NUFIP2: variants seen among roughly 807,000 people sequenced by gnomAD.
NUFIP2 encodes the protein FMR1-interacting protein NUFIP2.
In NUFIP2, 6 loss-of-function variants were observed where a neutral mutation model predicts 56.9. The ratio of observed to expected loss-of-function variants is 0.11; its 90% confidence interval spans 0.06 to 0.21. NUFIP2 has a LOEUF of 0.21. Ranked by LOEUF, NUFIP2 falls within the 10% of genes least tolerant of loss-of-function variation. The pLI is 1.00. For missense variants in NUFIP2, 828 were observed against 826.8 expected, an observed-to-expected ratio of 1.00 and a Z score of -0.02; for synonymous variants, 321 against 298.2, an observed-to-expected ratio of 1.08 and a Z score of -0.79.
At chr17:29,281,716 A>C (rs1296114515) in intron 2 of NUFIP2, among the ~76,000 whole-genome samples, 3 of 150,548 alleles carry the variant, frequency 2.0e-5, no homozygotes, top group Non-Finnish European at 4.4e-5. Flanking sequence ...AAAACAGCTA[A>C]AAGGAAAATC....
chr17:29,257,982 T>C lies in NUFIP2; in HGVS notation c.*6557A>G, dbSNP rs960677012. On this transcript the variant is annotated 3_prime_UTR_variant, in exon 4 of 4. Transcript: ENST00000225388. ...TAAACAGAGAGCACCAGTTGGGCAA[T>C]AGAATGAGCATTTCATACTGCATAA... 1 of 152,100 alleles carries C rather than the reference T, an allele frequency of 6.6e-6. No individual in the cohort carries two copies. Among genetic ancestry groups the C allele is most frequent in the African/African-American group, 2.4e-5 (1 of 41,430 alleles). 9.4% of individuals were successfully genotyped at this position (152,100 alleles called of 1,614,324 possible).
At chr17:29,287,812 A>G (rs964239654) in intron 1 of NUFIP2, 96 bp from the exon 2 acceptor site, 1 of 1,168,206 alleles carries the variant, frequency 8.6e-7, no homozygotes, top group African/African-American at 1.5e-5. Flanking sequence ...TATGCTAGAC[A>G]CTATGCTATG....
Position 29,287,279 on chromosome 17 carries a change from T to C in NUFIP2, c.715A>G (p.Ile239Val), listed in dbSNP as rs769748784. The C allele has an allele frequency of 2.5e-6, 4 of 1,614,218 alleles. No individual in the cohort carries two copies. In the East Asian group the frequency reaches 6.7e-5, roughly 27 times the overall value. Reference sequence around the variant, plus strand: ...TGTTGCATTATTTTGTCCTGCACTATATTAAGGTTTTCACAACCCTTGGCA... The same window carrying C: ...TGTTGCATTATTTTGTCCTGCACTACATTAAGGTTTTCACAACCCTTGGCA... ...NSAKGCENLN[I>V]VQDKIMQQET... is the part of the protein sequence containing the mutation. Residue 239 changes from isoleucine (I) to valine (V), a missense_variant, in exon 2 of 4, where the codon ATA becomes GTA. Ile to Val is a conservative substitution (Grantham distance 29). This residue lies in a region of NUFIP2 where 415 missense variants were observed against 408.7 expected (regional missense o/e 1.02). Coordinates refer to ENST00000225388, the MANE Select transcript of NUFIP2 (RefSeq NM_020772.3).
At chr17:29,278,335 C>A (rs1000582621) in intron 2 of NUFIP2, among the ~76,000 whole-genome samples, 3 of 152,040 alleles carry the variant, frequency 2.0e-5, no homozygotes, top group South Asian at 4.1e-4. Context: ...CAAGCTCCAC[C>A]TCCCGGGTTC....
In NUFIP2 at chr17:29,263,594, C is replaced by T. The variant is rs1230036448; in HGVS notation, c.*945G>A. 6.6e-6 allele frequency: 1 copy of T among 152,598 alleles called. No individual in the cohort carries two copies. The highest frequency in any genetic ancestry group is 2.4e-5 in the African/African-American group (1 of 41,434). The allele number at this position is 152,598 out of a possible 1,614,324, so 9.5% of individuals were successfully genotyped here. A position where few individuals can be genotyped will look rare whatever the true frequency, so the allele number is the denominator to read the frequency against. ...TTGATGAAAAACAAGGAAAACAGCA[C>T]ATTTAGTGTTAGTGACGGAGAGCAA... On this transcript the variant is annotated 3_prime_UTR_variant, in exon 4 of 4. Coordinates refer to ENST00000225388, the MANE Select transcript of NUFIP2 (RefSeq NM_020772.3).
In NUFIP2 at chr17:29,262,208, A is replaced by G. The variant is rs1372879006; in HGVS notation, c.*2331T>C. 1 of 152,706 alleles carries G rather than the reference A, an allele frequency of 6.5e-6. No individual in the cohort carries two copies. Among genetic ancestry groups the G allele is most frequent in the African/African-American group, 2.4e-5 (1 of 41,566 alleles). 9.5% of individuals were successfully genotyped at this position (152,706 alleles called of 1,614,324 possible). On this transcript the variant is annotated 3_prime_UTR_variant, in exon 4 of 4. Transcript: ENST00000225388. ...TGAGTTGTGAGACGGAAGAACTTTA[A>G]AATTCCAGGCAAGCAAAATGGACAT... is the stretch of plus-strand genomic sequence containing the variant.
rs2069013196 is a variant in NUFIP2 at position 29,263,038 on chromosome 17, A to G, written c.*1501T>C. Reference sequence around the variant, plus strand: ...GGGGATCCAGTCTACTTTTATCAGAAGACTACAACTCTTTATATAAATGCC... The same window carrying G: ...GGGGATCCAGTCTACTTTTATCAGAGGACTACAACTCTTTATATAAATGCC... On this transcript the variant is annotated 3_prime_UTR_variant, in exon 4 of 4. Coordinates refer to ENST00000225388, the MANE Select transcript of NUFIP2 (RefSeq NM_020772.3). The G allele has an allele frequency of 6.6e-6, 1 of 152,600 alleles. No homozygotes were observed. The allele number at this position is 152,600 out of a possible 1,614,324, so 9.5% of individuals were successfully genotyped here. A position where few individuals can be genotyped will look rare whatever the true frequency, so the allele number is the denominator to read the frequency against.
At chr17:29,270,580 T>C (rs2069065939) in intron 2 of NUFIP2, among the ~76,000 whole-genome samples, 1 of 152,104 alleles carries the variant, frequency 6.6e-6, no homozygotes, top group Admixed American at 6.6e-5. Context: ...AGCACAGAAA[T>C]TTCATATTTT....
chr17:29,290,211 T>C (rs2069202750), intron 1 of NUFIP2, among the ~76,000 whole-genome samples: 1 of 151,850 alleles, frequency 6.6e-6, no homozygotes, highest in African/African-American at 2.4e-5. Flanking sequence ...CTCTTAAGAG[T>C]TCTTAGATTC....
intron 2 of NUFIP2, among the ~76,000 whole-genome samples, chr17:29,285,232 G>A (rs1238209066): frequency 4.6e-5 from 7 of 151,902 alleles, no homozygotes; most frequent in African/African-American, 9.7e-5. Context: ...CCCAAGAGGC[G>A]GAGGTTGCAG....
rs1286514538 is a variant in NUFIP2, at chr17:29,260,585, G to C, written c.*3954C>G. The stretch of plus-strand genomic sequence containing the variant: ...CACACTAAATGGCTTATTTAAAAAA[G>C]TTCACAGCAATTACAAAAGATAAAT... On this transcript the variant is annotated 3_prime_UTR_variant, in exon 4 of 4. Transcript: ENST00000225388. The C allele has an allele frequency of 6.6e-6, 1 of 152,126 alleles. No individual in the cohort carries two copies. Among genetic ancestry groups the C allele is most frequent in the Non-Finnish European group, 1.5e-5 (1 of 68,016 alleles). 9.4% of individuals were successfully genotyped at this position (152,126 alleles called of 1,614,324 possible).
chr17:29,276,559 AACTCCTG>A (rs2069109804), intron 2 of NUFIP2, among the ~76,000 whole-genome samples: 1 of 152,106 alleles, frequency 6.6e-6, no homozygotes, highest in African/African-American at 2.4e-5. Context: ...GGTGGTCTCT[AACTCCTG>A]ACCTCAAGTG....
At chr17:29,269,880 C>T (rs1267378294) in intron 2 of NUFIP2, among the ~76,000 whole-genome samples, 1 of 152,102 alleles carries the variant, frequency 6.6e-6, no homozygotes, top group African/African-American at 2.4e-5. Flanking sequence ...GCCACCACGC[C>T]TGGCTAATTT....
At chr17:29,288,581 T>C (rs1340987489) in intron 1 of NUFIP2, among the ~76,000 whole-genome samples, 2 of 152,260 alleles carry the variant, frequency 1.3e-5, no homozygotes, top group East Asian at 1.9e-4. Context: ...ATATTGTTAA[T>C]ACGTGAAACC....
At chr17:29,267,058 C>T (rs968041591) in intron 3 of NUFIP2, among the ~76,000 whole-genome samples, 8 of 151,290 alleles carry the variant, frequency 5.3e-5, no homozygotes, top group African/African-American at 1.9e-4. Flanking sequence ...CGCCTGCCAC[C>T]ACGCCCAGCT....
chr17:29,286,582 A>C lies in NUFIP2; in HGVS notation c.1412T>G (p.Leu471Arg). 6.2e-7 allele frequency: 1 copy of C among 1,614,196 alleles called. No individual in the cohort carries two copies. Among genetic ancestry groups the C allele is most frequent in the Non-Finnish European group, 8.5e-7 (1 of 1,180,036 alleles). The change falls in exon 2 of 4, where the codon CTT becomes CGT. Residue 471 changes from leucine to arginine, a missense_variant. Physicochemically the swap from Leu to Arg is moderately radical, Grantham distance 102. Transcript: ENST00000225388. ...SAAVEQIKTS[L>R]FIYPSNMQTM... is the part of the protein sequence containing the mutation. ...TTGCATATTTGAAGGATAGATAAAA[A>C]GGCTAGTCTTAATTTGTTCAACAGC...
At chr17:29,266,754 AG>A (rs1027125719) in intron 3 of NUFIP2, among the ~76,000 whole-genome samples, 3 of 151,658 alleles carry the variant, frequency 2.0e-5, no homozygotes, top group African/African-American at 4.8e-5. Context: ...TTTCATAACC[AG>A]GAGGGGAAAA....
At position 29,287,384 on chromosome 17, in the gene NUFIP2, C is replaced by A; in HGVS notation, c.610G>T (p.Gly204Cys). The A allele has an allele frequency of 6.2e-7, 1 of 1,613,950 alleles. No individual in the cohort carries two copies. The highest frequency in any genetic ancestry group is 8.5e-7 in the Non-Finnish European group (1 of 1,179,846). Reference protein sequence around the residue: ...NSGYITNGYMGKGADNDGSGS... With the variant: ...NSGYITNGYMCKGADNDGSGS... ...CTACCATCATTATCTGCTCCTTTACCCATATAACCATTAGTAATATAACCA... is the reference window on the plus strand; with the variant it reads ...CTACCATCATTATCTGCTCCTTTACACATATAACCATTAGTAATATAACCA... The change falls in exon 2 of 4, where the codon GGT (glycine) becomes TGT (cysteine). Residue 204 changes from glycine to cysteine, a missense_variant. This residue lies in a region of NUFIP2 where 415 missense variants were observed against 408.7 expected (regional missense o/e 1.02). Coordinates refer to ENST00000225388, the MANE Select transcript of NUFIP2 (RefSeq NM_020772.3).
At chr17:29,266,955 G>A (rs548849484) in intron 3 of NUFIP2, among the ~76,000 whole-genome samples, 1 of 151,642 alleles carries the variant, frequency 6.6e-6, no homozygotes, top group South Asian at 2.1e-4. Context: ...CCAGGCTGGA[G>A]TGCAATGGCA....
Sources: gnomAD v4.1 joint callset for allele counts (sites outside exome capture counted in the v4.1 genomes callset) on GRCh38, gnomAD v4.1.1 for gene constraint, gnomAD v4.1.1 regional missense constraint, MANE v1.5 for transcripts, NCBI Gene and HGNC (gene_info 2026-07-23, HGNC 2026-07-21) for gene names.